Variants in ANO2 observed in about 807,000 individuals in gnomAD.
The protein encoded by ANO2 is anoctamin 2.
In ANO2, 101 loss-of-function variants were observed where a neutral mutation model predicts 124.2. That is an observed-to-expected ratio of 0.81 (90% CI 0.69 to 0.96). The LOEUF is 0.96. Among genes scored for constraint, ANO2 ranks in the 40% least tolerant of loss-of-function variants. The pLI is 0.00. For synonymous variants in ANO2, 486 were observed against 482.5 expected, an observed-to-expected ratio of 1.01 and a Z score of -0.09; for missense variants, 1,293 against 1,274.5, an observed-to-expected ratio of 1.01 and a Z score of -0.22.
rs11063865 is a variant in ANO2 at position 5,788,129 on chromosome 12, C to G, written c.1055+11378G>C. On this transcript the variant is annotated intron_variant, in intron 10 of 24. Transcript: ENST00000682330. The stretch of plus-strand genomic sequence containing the variant: ...CTGTGCTCTGCTGAGTCTCTGTGAG[C>G]AGAATGTGTCCCAGAAGCTGTTGAA... Among the ~76,000 whole-genome samples, 4 of 152,116 alleles carry G rather than the reference C, an allele frequency of 2.6e-5. No individual in the cohort carries two copies. The South Asian group carries it at 6.2e-4, about 24-fold the overall frequency.
intron 14 of ANO2, among the ~76,000 whole-genome samples, chr12:5,693,918 C>T (rs1949050764): frequency 1.3e-5 from 2 of 152,196 alleles, no homozygotes; most frequent in Admixed American, 1.3e-4. Context: ...TCACTTTCTA[C>T]TGCTTCACTC....
At position 5,636,835 on chromosome 12, in the gene ANO2, G is replaced by T. The variant is rs1027467736; in HGVS notation, c.1621-1488C>A. On this transcript the variant is annotated intron_variant, in intron 15 of 24. Coordinates refer to ENST00000682330, the MANE Select transcript of ANO2 (RefSeq NM_001364791.2). This position sits in a 1 kb window ranked among gnomAD's most constrained non-coding sequence, Gnocchi z 4.6. ...GGTATGGATGTTTTCAGACCTCTGG[G>T]GGGTACCTGGGGTGTGCTGGTGGCA... 6.6e-6 allele frequency among the ~76,000 whole-genome samples: 1 copy of T among 152,072 alleles called. No homozygotes were observed. Among genetic ancestry groups the T allele is most frequent in the African/African-American group, 2.4e-5 (1 of 41,404 alleles).
At chr12:5,586,230 C>G (rs1943104344) in intron 20 of ANO2, among the ~76,000 whole-genome samples, 1 of 152,188 alleles carries the variant, frequency 6.6e-6, no homozygotes, top group African/African-American at 2.4e-5. Context: ...CAGTCTAGGG[C>G]AGATAACACC....
At chr12:5,940,241 CCA>C (rs1942842726) in intron 1 of ANO2, among the ~76,000 whole-genome samples, 1 of 152,168 alleles carries the variant, frequency 6.6e-6, no homozygotes, top group Non-Finnish European at 1.5e-5. Context: ...GGGCATGCCT[CCA>C]GTACACCTAT....
At chr12:5,923,666 G>A (rs143807053) in intron 1 of ANO2, among the ~76,000 whole-genome samples, 2 of 152,170 alleles carry the variant, frequency 1.3e-5, no homozygotes, top group Non-Finnish European at 2.9e-5. Context: ...AAAAATTCCA[G>A]TGTCTCCCCT....
intron 7 of ANO2, among the ~76,000 whole-genome samples, chr12:5,818,464 T>C (rs1393185704): frequency 2.7e-5 from 2 of 74,232 alleles, no homozygotes; most frequent in Non-Finnish European, 4.7e-5. Flanking sequence ...TATATATATA[T>C]ATATATATAT....
chr12:5,644,069 T>C (rs191924318), intron 15 of ANO2, among the ~76,000 whole-genome samples: 1 of 152,326 alleles, frequency 6.6e-6, no homozygotes, highest in Non-Finnish European at 1.5e-5. Context: ...TTGTGCTTTT[T>C]GTATCTTGCT....
At chr12:5,837,839 A>G (rs1233075154) in intron 4 of ANO2, among the ~76,000 whole-genome samples, 5 of 152,044 alleles carry the variant, frequency 3.3e-5, no homozygotes, top group Non-Finnish European at 1.5e-5. Context: ...AGAAGCTAGC[A>G]GAAGGCAAGA....
At chr12:5,702,303 G>T (rs9669580) in intron 14 of ANO2, among the ~76,000 whole-genome samples, 72,270 of 151,846 alleles carry the variant, frequency 0.48, 17,763 homozygotes, top group East Asian at 0.59. Flanking sequence ...TCAAGCCCAT[G>T]TTTTACAAGT....
In ANO2 at chr12:5,876,516, A is replaced by C. The variant is rs541523010; in HGVS notation, c.535-22375T>G. Among the ~76,000 whole-genome samples, 47 of 152,316 alleles carry C rather than the reference A, an allele frequency of 3.1e-4. 2 individuals are homozygous for C. In the South Asian group the frequency reaches 8.9e-3, roughly 29 times the overall value. ...AAGGATTACAAACCATTCTACTATAAAGACACATGTACTTTTATGTTTATT... is the reference window on the plus strand; with the variant it reads ...AAGGATTACAAACCATTCTACTATACAGACACATGTACTTTTATGTTTATT... On this transcript the variant is annotated intron_variant, in intron 3 of 24. Transcript: ENST00000682330.
intron 1 of ANO2, among the ~76,000 whole-genome samples, chr12:5,923,088 A>G (rs1302077203): frequency 1.2e-4 from 2 of 17,224 alleles, no homozygotes; most frequent in African/African-American, 1.5e-4. Flanking sequence ...ACATACACAC[A>G]CACACGCACA....
chr12:5,928,744 T>TCTTCTTTCCTTACTCGTCTGC (rs1942215490), intron 1 of ANO2, among the ~76,000 whole-genome samples: 2 of 68,704 alleles, frequency 2.9e-5, no homozygotes, highest in Non-Finnish European at 5.7e-5. Flanking sequence ...TACTAGTCTG[T>TCTTCTTTCCTTACTCGTCTGC]CTTCTTTCCT....
At chr12:5,632,985 C>T (rs1945804982) in intron 16 of ANO2, among the ~76,000 whole-genome samples, 1 of 152,106 alleles carries the variant, frequency 6.6e-6, no homozygotes, top group South Asian at 2.1e-4. Context: ...TCATGCCACG[C>T]TCTTAAAAAA....
rs199960817 is a variant in ANO2, at chr12:5,812,388, A to G, written c.893-5020T>C. 3.9e-4 allele frequency among the ~76,000 whole-genome samples: 48 copies of G among 124,624 alleles called. No homozygotes were observed. The East Asian group carries it at 5.1e-3, about 13-fold the overall frequency. The allele number at this position is 124,624 out of a possible 152,430, so 81.8% of individuals were successfully genotyped here. ...GAGAAAGAAAAAGAAAGAAAGAAAG[A>G]AGGGAAGGAAGGAAGGAGGGAGGGA... On this transcript the variant is annotated intron_variant, in intron 7 of 24. Transcript: ENST00000682330.
chr12:5,748,476 G>A (rs1345473859), intron 11 of ANO2, among the ~76,000 whole-genome samples: 1 of 152,194 alleles, frequency 6.6e-6, no homozygotes, highest in African/African-American at 2.4e-5. Flanking sequence ...ATTAGAAAAA[G>A]CAAAGACTTT....
intron 14 of ANO2, among the ~76,000 whole-genome samples, chr12:5,724,602 G>A (rs1258714830): frequency 6.6e-6 from 1 of 152,242 alleles, no homozygotes; most frequent in Non-Finnish European, 1.5e-5. Context: ...GTGCCTGCCA[G>A]AGGCGTCTGT....
At chr12:5,837,661 C>G (rs557910043) in intron 4 of ANO2, among the ~76,000 whole-genome samples, 14 of 151,766 alleles carry the variant, frequency 9.2e-5, no homozygotes, top group African/African-American at 2.9e-4. Context: ...TCTTTGAAAC[C>G]AACAAGAACA....
At chr12:5,843,488 T>A (rs1056999783) in intron 4 of ANO2, among the ~76,000 whole-genome samples, 1 of 151,928 alleles carries the variant, frequency 6.6e-6, no homozygotes, top group African/African-American at 2.4e-5. Flanking sequence ...CGACAGAGTT[T>A]GCAGTGAGCC....
intron 3 of ANO2, among the ~76,000 whole-genome samples, chr12:5,911,452 G>A (rs1591780834): frequency 6.6e-6 from 1 of 152,314 alleles, no homozygotes; most frequent in Admixed American, 6.5e-5. Context: ...ACATCTAGCA[G>A]TGCCATGAAG....
Sources: gnomAD v4.1 joint callset for allele counts (sites outside exome capture counted in the v4.1 genomes callset) on GRCh38, gnomAD v4.1.1 for gene constraint, Gnocchi (gnomAD v3.1) non-coding constraint, MANE v1.5 for transcripts, NCBI Gene and HGNC (gene_info 2026-07-23, HGNC 2026-07-21) for gene names.